DYSF: variants seen among roughly 807,000 people sequenced by gnomAD.
The protein encoded by DYSF is dystrophy-associated fer-1-like 1.
In DYSF, 212 loss-of-function variants were observed where a neutral mutation model predicts 274.9. That is an observed-to-expected ratio of 0.77 (90% CI 0.69 to 0.86). The LOEUF is 0.86. DYSF is among the 40% of genes least tolerant of loss of function. DYSF has a pLI of 0.00. For synonymous variants in DYSF, 1,091 were observed against 1,078.7 expected (o/e 1.01, Z -0.22); for missense variants, 2,666 against 2,783.2 (o/e 0.96, Z 0.95).
intron 24 of DYSF, among the ~76,000 whole-genome samples, chr2:71,565,247 T>TTC (rs1491511989): frequency 1.4e-5 from 1 of 71,402 alleles, no homozygotes; most frequent in African/African-American, 1.1e-4. Flanking sequence ...CACCCAGCTC[T>TTC]TTTTTTTTTT....
chr2:71,570,344 A>G lies in DYSF; in HGVS notation c.3085+10A>G, dbSNP rs761759508. The G allele has an allele frequency of 6.2e-7, 1 of 1,613,258 alleles. No individual in the cohort carries two copies. Among genetic ancestry groups the G allele is most frequent in the East Asian group, 2.2e-5 (1 of 44,858 alleles). ...GCTGTCGATGAGCAAGGTGGGCAGCATGTGGAACCTGGCGAGCCCCATCCC... is the reference window on the plus strand; with the variant it reads ...GCTGTCGATGAGCAAGGTGGGCAGCGTGTGGAACCTGGCGAGCCCCATCCC... On this transcript the variant is annotated intron_variant, in intron 28 of 55. Transcript: ENST00000410020.
intron 42 of DYSF, among the ~76,000 whole-genome samples, chr2:71,652,650 A>G (rs1209927786): frequency 6.6e-6 from 1 of 152,230 alleles, no homozygotes; most frequent in Non-Finnish European, 1.5e-5. Context: ...TTTAAGTTTA[A>G]TGCAAGCCTA....
intron 55 of DYSF, among the ~76,000 whole-genome samples, chr2:71,684,038 G>A (rs1204221109): frequency 6.6e-6 from 1 of 152,240 alleles, no homozygotes; most frequent in East Asian, 1.9e-4. Context: ...GGGTGGTGAA[G>A]GGTCTGCCTA....
chr2:71,565,833 G>T (rs1431296808), intron 24 of DYSF, among the ~76,000 whole-genome samples: 1 of 152,230 alleles, frequency 6.6e-6, no homozygotes, highest in Non-Finnish European at 1.5e-5. Context: ...TGACACAGGT[G>T]ATGGGTCTTG....
rs2016605 is a variant in DYSF at position 71,611,722 on chromosome 2, C to T, written c.4221+96C>T. ...CTGGGGCTTGTGCTCCAATTCCCTGCGGGATCCAGGGTAGGACCCCTCACT... is the reference window on the plus strand; with the variant it reads ...CTGGGGCTTGTGCTCCAATTCCCTGTGGGATCCAGGGTAGGACCCCTCACT... On this transcript the variant is annotated intron_variant, in intron 38 of 55. Coordinates refer to ENST00000410020, the MANE Select transcript of DYSF (RefSeq NM_001130987.2). 0.065 allele frequency: 95,447 copies of T among 1,462,008 alleles called. 5,226 individuals carry two copies. Among genetic ancestry groups the T allele is most frequent in the African/African-American group, 0.29 (20,674 of 71,538 alleles). 90.6% of individuals were successfully genotyped at this position (1,462,008 alleles called of 1,614,324 possible). A position where few individuals can be genotyped will look rare whatever the true frequency, so the allele number is the denominator to read the frequency against.
chr2:71,485,773 A>G (rs2152688779), intron 3 of DYSF, among the ~76,000 whole-genome samples: 1 of 152,332 alleles, frequency 6.6e-6, no homozygotes, highest in Admixed American at 6.5e-5. Flanking sequence ...TAAATTTTGA[A>G]AGAAAAGGAA....
chr2:71,567,975 G>A lies in DYSF; in HGVS notation c.2590G>A (p.Ala864Thr), dbSNP rs143632564. 146 of 1,613,986 alleles carry A rather than the reference G, an allele frequency of 9.0e-5. No individual in the cohort carries two copies. Among genetic ancestry groups the A allele is most frequent in the Middle Eastern group, 1.6e-4 (1 of 6,084 alleles). The change falls in exon 25 of 56, where the codon GCC becomes ACC. Residue 864 changes from alanine (A) to threonine (T), a missense_variant. Physicochemically the swap from Ala to Thr is moderately conservative, Grantham distance 58. Around this residue, in one of 3 missense-constraint regions of DYSF, gnomAD observed 412 missense variants for 504.0 expected, o/e 0.82. Transcript: ENST00000410020. ...LKYPMEKVPG[A>T]RMPVQIRVKL... ...GTATCCGATGGAGAAGGTGCCTGGC[G>A]CCCGGATGCCAGTGCAGATACGGGT...
intron 55 of DYSF, among the ~76,000 whole-genome samples, 182 bp from the exon 56 acceptor site, chr2:71,686,272 G>A (rs1252542351): frequency 1.3e-5 from 2 of 152,212 alleles, no homozygotes; most frequent in Non-Finnish European, 1.5e-5. Flanking sequence ...CACATGGTAT[G>A]GATGGCAAGT....
chr2:71,542,314 CT>C (rs767678666), intron 17 of DYSF, among the ~76,000 whole-genome samples: 10 of 150,916 alleles, frequency 6.6e-5, no homozygotes, highest in Non-Finnish European at 1.2e-4. Flanking sequence ...CCAATTCTGC[CT>C]TTTACTGCTT....
intron 32 of DYSF, 34 bp downstream of exon 32, chr2:71,590,322 G>A (rs188015008): frequency 1.2e-6 from 2 of 1,611,672 alleles, no homozygotes; most frequent in East Asian, 2.2e-5. Flanking sequence ...GTCAGAGACT[G>A]TGGGCTGAGA....
Position 71,551,174 on chromosome 2 carries a change from C to G in DYSF, c.1692+18C>G, listed in dbSNP as rs1261272590. ...CAGGCAAGGTAAGCCGGCTGGAGCC[C>G]TGGCAAGGGCAGGATGCCAGATGCC... is the stretch of plus-strand genomic sequence containing the variant. On this transcript the variant is annotated intron_variant, in intron 18 of 55. Transcript: ENST00000410020. 6.2e-7 allele frequency: 1 copy of G among 1,612,738 alleles called. No individual in the cohort carries two copies. Among genetic ancestry groups the G allele is most frequent in the Non-Finnish European group, 8.5e-7 (1 of 1,178,884 alleles).
rs778976357 is a variant in DYSF at position 71,520,784 on chromosome 2, C to T, written c.1034-5C>T. The T allele has an allele frequency of 6.2e-7, 1 of 1,613,724 alleles. No individual in the cohort carries two copies. Among genetic ancestry groups the T allele is most frequent in the Admixed American group, 1.7e-5 (1 of 60,014 alleles). ...GGGATCACCAGAGGATGTTGTCTCTCTTAGGGCACGCCTATCTCAGGAAGT... is the reference window on the plus strand; with the variant it reads ...GGGATCACCAGAGGATGTTGTCTCTTTTAGGGCACGCCTATCTCAGGAAGT... On this transcript the variant is annotated splice_polypyrimidine_tract_variant and splice_region_variant and intron_variant, in intron 11 of 55. Transcript: ENST00000410020.
At chr2:71,549,596 C>T (rs1242786959) in intron 17 of DYSF, among the ~76,000 whole-genome samples, 2 of 151,668 alleles carry the variant, frequency 1.3e-5, no homozygotes, top group Non-Finnish European at 2.9e-5. Flanking sequence ...CTTTAAGGGG[C>T]AATTTCCTCC....
chr2:71,504,082 C>A (rs1327398915), intron 4 of DYSF, among the ~76,000 whole-genome samples: 3 of 152,190 alleles, frequency 2.0e-5, no homozygotes, highest in Non-Finnish European at 4.4e-5. Context: ...GAGGCCGGGG[C>A]TCCTGGCTGG....
rs185350547 is a variant in DYSF at position 71,570,590 on chromosome 2, C to T, written c.3086-9C>T. ...CCAAGCAATGAGTGACCGGTTCCCC[C>T]TCCCCCAGGCTGGGAGTATAGCATC... On this transcript the variant is annotated splice_polypyrimidine_tract_variant and intron_variant, in intron 28 of 55. Transcript: ENST00000410020. The T allele has an allele frequency of 4.6e-4, 747 of 1,613,282 alleles. No homozygotes were observed. Among genetic ancestry groups the T allele is most frequent in the Admixed American group, 7.7e-4 (46 of 59,920 alleles).
At chr2:71,522,538 T>G (rs1466487458) in intron 12 of DYSF, among the ~76,000 whole-genome samples, 1 of 152,186 alleles carries the variant, frequency 6.6e-6, no homozygotes, top group Non-Finnish European at 1.5e-5. Context: ...GTTCAGTCCC[T>G]GTTCCCTTGC....
At chr2:71,674,376 A>G in intron 52 of DYSF, 80 bp downstream of exon 52, 1 of 1,399,432 alleles carries the variant, frequency 7.1e-7, no homozygotes, top group Non-Finnish European at 1.0e-6. Flanking sequence ...CCACTGTTGG[A>G]CCCTTGGGGA....
At chr2:71,670,539 C>A (rs990377818) in intron 51 of DYSF, among the ~76,000 whole-genome samples, 1 of 152,226 alleles carries the variant, frequency 6.6e-6, no homozygotes, top group African/African-American at 2.4e-5. Context: ...CAGCCATCAC[C>A]CTCCTCTCTC....
chr2:71,455,865 C>A (rs2081040851), intron 1 of DYSF, among the ~76,000 whole-genome samples: 1 of 152,180 alleles, frequency 6.6e-6, no homozygotes, highest in South Asian at 2.1e-4. Context: ...CACATGCCCC[C>A]TCTGCACCCC....
Sources: gnomAD v4.1 joint callset for allele counts (sites outside exome capture counted in the v4.1 genomes callset) on GRCh38, gnomAD v4.1.1 for gene constraint, gnomAD v4.1.1 regional missense constraint, MANE v1.5 for transcripts, NCBI Gene and HGNC (gene_info 2026-07-23, HGNC 2026-07-21) for gene names.